PPM1L: variants seen among roughly 807,000 people sequenced by gnomAD.
PPM1L encodes protein phosphatase 1L.
In PPM1L, 13 loss-of-function variants were observed where a neutral mutation model predicts 31.4. The ratio of observed to expected loss-of-function variants is 0.41; its 90% confidence interval spans 0.27 to 0.66. The LOEUF is 0.66. Ranked by LOEUF, PPM1L falls within the 30% of genes least tolerant of loss-of-function variation. The probability of loss-of-function intolerance (pLI) is 0.29; values close to 1 mark genes in which losing one functional copy is unlikely to be tolerated. For synonymous variants in PPM1L, 184 were observed against 175.4 expected, an observed-to-expected ratio of 1.05 and a Z score of -0.39; for missense variants, 326 against 453.7, an observed-to-expected ratio of 0.72 and a Z score of 2.56.
At chr3:160,825,678 G>C (rs1261445413) in intron 1 of PPM1L, among the ~76,000 whole-genome samples, 1 of 152,136 alleles carries the variant, frequency 6.6e-6, no homozygotes, top group African/African-American at 2.4e-5. Flanking sequence ...AATATGACAA[G>C]ATAAGAAGAA....
rs2108117480 is a variant in PPM1L, at chr3:161,073,593, GCT to G, written c.*4439_*4440del. 6.7e-6 allele frequency: 1 copy of G among 149,848 alleles called. No homozygotes were observed. The highest frequency in any genetic ancestry group is 2.0e-4 in the East Asian group (1 of 5,114). 9.3% of individuals were successfully genotyped at this position (149,848 alleles called of 1,614,324 possible). ...CCCTTTTTTTTTTTAACGGAATCTCGCTCTGTCACCCAGGCTGGAATGCCGTG... is the reference window on the plus strand; with the variant it reads ...CCCTTTTTTTTTTTAACGGAATCTCGCTGTCACCCAGGCTGGAATGCCGTG... On this transcript the variant is annotated 3_prime_UTR_variant, in exon 4 of 4. Transcript: ENST00000498165.
In PPM1L at chr3:160,969,574, A is replaced by T. The variant is rs1258438467; in HGVS notation, c.574+7664A>T. ...GCATTTGCAGGAAGTTCTTCACTCC[A>T]ACAAATAGAGTGAATTTCTCAGTAT... On this transcript the variant is annotated intron_variant, in intron 2 of 3. Transcript: ENST00000498165. Among the ~76,000 whole-genome samples the T allele has an allele frequency of 3.9e-5, 6 of 152,354 alleles. No homozygotes were observed. The South Asian group carries it at 8.3e-4, about 21-fold the overall frequency.
intron 2 of PPM1L, among the ~76,000 whole-genome samples, chr3:161,013,387 G>T (rs1235247541): frequency 3.3e-5 from 5 of 152,220 alleles, no homozygotes; most frequent in Admixed American, 6.5e-5. Flanking sequence ...TGATCTGAGA[G>T]ACAGTTTGTT....
chr3:160,877,386 C>A (rs1227721006), intron 1 of PPM1L, among the ~76,000 whole-genome samples: 1 of 152,166 alleles, frequency 6.6e-6, no homozygotes, highest in East Asian at 1.9e-4. Flanking sequence ...TGAGATGCTT[C>A]TTGCCTCAGT....
chr3:160,811,352 A>G (rs1027033458), intron 1 of PPM1L, among the ~76,000 whole-genome samples: 1 of 152,242 alleles, frequency 6.6e-6, no homozygotes, highest in African/African-American at 2.4e-5. Context: ...CATCAGAATC[A>G]TTGAGCCTTG....
At position 161,074,909 on chromosome 3, in the gene PPM1L, A is replaced by T. The variant is rs1345161141; in HGVS notation, c.*5752A>T. The T allele has an allele frequency of 1.3e-5, 2 of 152,288 alleles. No homozygotes were observed. Among genetic ancestry groups the T allele is most frequent in the East Asian group, 3.9e-4 (2 of 5,174 alleles). The allele number at this position is 152,288 out of a possible 1,614,324, so 9.4% of individuals were successfully genotyped here. A position where few individuals can be genotyped will look rare whatever the true frequency, so the allele number is the denominator to read the frequency against. ...AGACTGTATTTAGAGATGTGGTTTC[A>T]TTTATTCTTGAAGTCCTATAACCTT... is the stretch of plus-strand genomic sequence containing the variant. On this transcript the variant is annotated 3_prime_UTR_variant, in exon 4 of 4. Transcript: ENST00000498165.
chr3:161,033,374 T>G (rs2108082208), intron 2 of PPM1L, among the ~76,000 whole-genome samples: 1 of 152,160 alleles, frequency 6.6e-6, no homozygotes, highest in East Asian at 1.9e-4. Flanking sequence ...AAAGAGCCCG[T>G]AGAGCCAAGA....
intron 1 of PPM1L, among the ~76,000 whole-genome samples, chr3:160,875,609 T>A (rs1358588146): frequency 6.6e-6 from 1 of 152,228 alleles, no homozygotes. Flanking sequence ...TAGAAGTTAT[T>A]GAGGATTTAC....
intron 2 of PPM1L, among the ~76,000 whole-genome samples, chr3:161,010,392 A>G (rs1280655814): frequency 6.6e-6 from 1 of 152,090 alleles, no homozygotes; most frequent in African/African-American, 2.4e-5. Flanking sequence ...CATGGTGTAT[A>G]TGTGCCACAT....
At chr3:160,882,781 A>AT (rs1712770708) in intron 1 of PPM1L, among the ~76,000 whole-genome samples, 1 of 152,182 alleles carries the variant, frequency 6.6e-6, no homozygotes, top group African/African-American at 2.4e-5. Flanking sequence ...CACCAATGTT[A>AT]TTTTACTTTA....
intron 2 of PPM1L, among the ~76,000 whole-genome samples, chr3:160,977,935 G>T (rs1716654047): frequency 6.6e-6 from 1 of 152,106 alleles, no homozygotes; most frequent in South Asian, 2.1e-4. Context: ...AAGACTTCCT[G>T]TGTATGGGAC....
chr3:160,857,008 T>G (rs1043085797), intron 1 of PPM1L, among the ~76,000 whole-genome samples: 4 of 152,184 alleles, frequency 2.6e-5, no homozygotes, highest in African/African-American at 9.6e-5. Context: ...TGATGTTTGA[T>G]TCTAACTTTC....
intron 2 of PPM1L, among the ~76,000 whole-genome samples, chr3:160,965,863 G>A (rs1171553548): frequency 1.3e-5 from 2 of 152,096 alleles, no homozygotes; most frequent in East Asian, 3.9e-4. Flanking sequence ...ATCAGCCTGA[G>A]TGACTTAATG....
At chr3:161,066,335 T>C (rs1719738640) in intron 3 of PPM1L, among the ~76,000 whole-genome samples, 1 of 152,158 alleles carries the variant, frequency 6.6e-6, no homozygotes, top group African/African-American at 2.4e-5. Context: ...GAAACTTACA[T>C]TCTGAAATTG....
chr3:160,814,829 G>A (rs1211919528), intron 1 of PPM1L, among the ~76,000 whole-genome samples: 2 of 151,786 alleles, frequency 1.3e-5, no homozygotes, highest in African/African-American at 4.8e-5. Context: ...GCCATGAAAA[G>A]GAATGAAATA....
chr3:160,884,024 T>G (rs952764889), intron 1 of PPM1L, among the ~76,000 whole-genome samples: 2 of 151,922 alleles, frequency 1.3e-5, no homozygotes, highest in South Asian at 2.1e-4. Flanking sequence ...GAGCTGTGAT[T>G]GAGCCACTGC....
chr3:160,817,154 C>T (rs577070381), intron 1 of PPM1L, among the ~76,000 whole-genome samples: 31 of 152,126 alleles, frequency 2.0e-4, no homozygotes, highest in African/African-American at 6.7e-4. Flanking sequence ...CATACTTGCA[C>T]GGGTGCTTTC....
intron 1 of PPM1L, among the ~76,000 whole-genome samples, chr3:160,777,256 C>T (rs972052766): frequency 3.3e-5 from 5 of 151,990 alleles, no homozygotes; most frequent in Admixed American, 6.6e-5. Flanking sequence ...AGGAGTTTGA[C>T]GTTGCAGTGA....
intron 2 of PPM1L, among the ~76,000 whole-genome samples, chr3:160,966,278 T>C (rs186726649): frequency 6.6e-6 from 1 of 152,264 alleles, no homozygotes; most frequent in East Asian, 1.9e-4. Context: ...TAAAATGTTA[T>C]ACTTTAATTG....
Sources: allele counts gnomAD v4.1 joint callset (sites outside exome capture counted in the v4.1 genomes callset), GRCh38; gene constraint gnomAD v4.1.1; transcripts MANE v1.5; gene names NCBI Gene and HGNC (gene_info 2026-07-23, HGNC 2026-07-21).